Variants in CPNE3 observed in about 807,000 individuals in gnomAD.
The protein encoded by CPNE3 is copine-3.
CPNE3 carries 68 observed loss-of-function variants against 63.9 expected under a neutral mutation model. The observed-to-expected ratio is 1.06, with a 90% CI of 0.87 to 1.30. The LOEUF is 1.30. Ranked by LOEUF, CPNE3 falls within the 50% of genes most tolerant of loss-of-function variation. The probability of loss-of-function intolerance (pLI) is 0.00; values close to 1 mark genes in which losing one functional copy is unlikely to be tolerated. For synonymous variants in CPNE3, 219 were observed against 197.5 expected, an observed-to-expected ratio of 1.11 and a Z score of -0.91; for missense variants, 665 against 578.1, an observed-to-expected ratio of 1.15 and a Z score of -1.54.
At chr8:86,529,515 A>G (rs918023991) in intron 4 of CPNE3, among the ~76,000 whole-genome samples, 1 of 152,148 alleles carries the variant, frequency 6.6e-6, no homozygotes, top group Non-Finnish European at 1.5e-5. Flanking sequence ...CAATGCCCCA[A>G]TACCATCCCC....
intron 4 of CPNE3, among the ~76,000 whole-genome samples, chr8:86,529,549 A>G (rs1183269569): frequency 6.6e-6 from 1 of 152,072 alleles, no homozygotes; most frequent in Non-Finnish European, 1.5e-5. Flanking sequence ...CTCTTACTCA[A>G]CCTTATTCCC....
chr8:86,536,638 C>T (rs1479946087), intron 6 of CPNE3, among the ~76,000 whole-genome samples: 1 of 152,094 alleles, frequency 6.6e-6, no homozygotes. Context: ...CTAAAGAAAT[C>T]TTCAGCTCAG....
At chr8:86,545,756 C>G (rs993646702) in intron 9 of CPNE3, among the ~76,000 whole-genome samples, 2 of 152,062 alleles carry the variant, frequency 1.3e-5, no homozygotes, top group South Asian at 2.1e-4. Flanking sequence ...ACTTATCAAG[C>G]ATTTATTGAA....
chr8:86,546,135 T>C (rs990673623), intron 9 of CPNE3, among the ~76,000 whole-genome samples: 1 of 152,102 alleles, frequency 6.6e-6, no homozygotes, highest in African/African-American at 2.4e-5. Context: ...TACCATAGAG[T>C]TGGGCTTCAT....
At chr8:86,523,529 G>A (rs1482850407) in intron 2 of CPNE3, among the ~76,000 whole-genome samples, 4 of 152,220 alleles carry the variant, frequency 2.6e-5, no homozygotes, top group Non-Finnish European at 4.4e-5. Context: ...ATAACAGCAT[G>A]AGGGGTATCA....
intron 1 of CPNE3, chr8:86,515,232 C>A (rs1315507493): frequency 6.6e-6 from 1 of 152,226 alleles, no homozygotes; most frequent in Non-Finnish European, 1.5e-5. Flanking sequence ...CCGAGCAGAT[C>A]AACCATTTAT....
Position 86,546,356 on chromosome 8 carries a change from T to C in CPNE3, c.733-239T>C, listed in dbSNP as rs567697621. Among the ~76,000 whole-genome samples the C allele has an allele frequency of 1.3e-5, 2 of 152,214 alleles. 1 individual carries two copies. Among genetic ancestry groups the C allele is most frequent in the East Asian group, 3.9e-4 (2 of 5,170 alleles). ...AATTACCTGCAGAGGTAAAATTTATTTGGGAGAAATATTTTGAAAGGTATG... is the reference window on the plus strand; with the variant it reads ...AATTACCTGCAGAGGTAAAATTTATCTGGGAGAAATATTTTGAAAGGTATG... On this transcript the variant is annotated intron_variant, in intron 9 of 16. Transcript: ENST00000517490.
Position 86,540,286 on chromosome 8 carries a change from GA to G in CPNE3, c.586del (p.Ile196SerfsTer38). 6.2e-7 allele frequency: 1 copy of G among 1,609,544 alleles called. No individual in the cohort carries two copies. The highest frequency in any genetic ancestry group is 2.2e-5 in the East Asian group (1 of 44,564). ...NLNPVWRPFK[I>X]SLNSLCYGDM... ...TGAATCCTGTTTGGAGGCCTTTCAA[GA>G]TCTCTCTTAACTCACTGTGTTACGG... is the stretch of plus-strand genomic sequence containing the variant. On this transcript the variant is annotated frameshift_variant, in exon 8 of 17. Coordinates refer to ENST00000517490, the MANE Select transcript of CPNE3 (RefSeq NM_003909.5). LOFTEE classifies it high-confidence loss of function.
intron 6 of CPNE3, among the ~76,000 whole-genome samples, chr8:86,534,285 C>A (rs1474349821): frequency 6.6e-6 from 1 of 152,070 alleles, no homozygotes; most frequent in Non-Finnish European, 1.5e-5. Flanking sequence ...GCATGTAATT[C>A]CATCAGGAGG....
At chr8:86,516,439 A>T (rs897002291) in intron 2 of CPNE3, among the ~76,000 whole-genome samples, 8 of 151,972 alleles carry the variant, frequency 5.3e-5, no homozygotes, top group Non-Finnish European at 8.8e-5. Flanking sequence ...AAAATATTTT[A>T]TTTTCTATGC....
At chr8:86,519,598 G>T (rs1437883603) in intron 2 of CPNE3, among the ~76,000 whole-genome samples, 1 of 152,208 alleles carries the variant, frequency 6.6e-6, no homozygotes, top group East Asian at 1.9e-4. Context: ...CTACTTAATA[G>T]ACTGGGCCCT....
intron 12 of CPNE3, among the ~76,000 whole-genome samples, chr8:86,548,937 T>G (rs1014294937): frequency 6.6e-6 from 1 of 152,202 alleles, no homozygotes; most frequent in Non-Finnish European, 1.5e-5. Flanking sequence ...AATTATTTTT[T>G]TAACGGTGAC....
intron 15 of CPNE3, 56 bp from the exon 16 acceptor site, chr8:86,556,046 G>T: frequency 2.4e-6 from 2 of 833,168 alleles, no homozygotes. Context: ...TCAAGCCAGA[G>T]ATGCCATTAG....
rs536345488 is a variant in CPNE3, at chr8:86,521,700, G to A, written c.-11+6201G>A. The A allele has an allele frequency of 2.6e-5, 4 of 152,212 alleles. No homozygotes were observed. The East Asian group carries it at 7.7e-4, about 29-fold the overall frequency. The allele number at this position is 152,212 out of a possible 1,614,324, so 9.4% of individuals were successfully genotyped here. On this transcript the variant is annotated intron_variant, in intron 2 of 16. Coordinates refer to ENST00000517490, the MANE Select transcript of CPNE3 (RefSeq NM_003909.5). Reference sequence around the variant, plus strand: ...TATGCTGTGGTGGTGACACTTACTAGCTTTGTGATCCCATGTAAGTAATTT... The same window carrying A: ...TATGCTGTGGTGGTGACACTTACTAACTTTGTGATCCCATGTAAGTAATTT...
Position 86,551,213 on chromosome 8 carries a change from C to A in CPNE3, c.1099C>A (p.Pro367Thr), listed in dbSNP as rs1357544238. ...VSHEFPMNFNPSNPYCNGIQG... is the reference protein window; with the variant it reads ...VSHEFPMNFNTSNPYCNGIQG... The stretch of plus-strand genomic sequence containing the variant: ...ACATGAATTTCCAATGAACTTCAAC[C>A]CATCCAATCCCTACTGCAATGGTAA... The change falls in exon 14 of 17, where the codon CCA becomes ACA. Residue 367 changes from proline to threonine, a missense_variant. By Grantham distance (38) the Pro-to-Thr change is conservative. Coordinates refer to ENST00000517490, the MANE Select transcript of CPNE3 (RefSeq NM_003909.5). 1.2e-6 allele frequency: 2 copies of A among 1,603,764 alleles called. No individual in the cohort carries two copies. The highest frequency in any genetic ancestry group is 1.3e-5 in the African/African-American group (1 of 74,656).
At position 86,537,612 on chromosome 8, in the gene CPNE3, C is replaced by T; in HGVS notation, c.509C>T (p.Ser170Phe). 6.2e-7 allele frequency: 1 copy of T among 1,609,426 alleles called. No homozygotes were observed. The highest frequency in any genetic ancestry group is 8.5e-7 in the Non-Finnish European group (1 of 1,175,820). The change falls in exon 7 of 17, where the codon TCT (serine) becomes TTT (phenylalanine). Residue 170 changes from serine (S) to phenylalanine (F), a missense_variant. Transcript: ENST00000517490. ...DPYLEFHKQT[S>F]DGNWLMVHRT... ...TACCTGGAATTCCACAAGCAGACAT[C>T]TGATGGAAACTGGCTAATGGTTCAT...
At chr8:86,552,954 C>T (rs1388996731) in intron 14 of CPNE3, among the ~76,000 whole-genome samples, 1 of 21,382 alleles carries the variant, frequency 4.7e-5, no homozygotes, top group Non-Finnish European at 1.9e-4. Flanking sequence ...ATTCTCCTGC[C>T]ACAGCCCGCC....
At chr8:86,530,196 G>T (rs529800348) in intron 4 of CPNE3, among the ~76,000 whole-genome samples, 2 of 146,228 alleles carry the variant, frequency 1.4e-5, no homozygotes, top group East Asian at 2.0e-4. Context: ...TTGAGACAGG[G>T]TCTCACTAAG....
intron 8 of CPNE3, among the ~76,000 whole-genome samples, chr8:86,541,256 T>C (rs1820931088): frequency 1.3e-5 from 2 of 152,228 alleles, no homozygotes; most frequent in African/African-American, 2.4e-5. Flanking sequence ...CATTTACTTA[T>C]TTATTTATTT....
Sources: gnomAD v4.1 joint callset for allele counts (sites outside exome capture counted in the v4.1 genomes callset) on GRCh38, gnomAD v4.1.1 for gene constraint, MANE v1.5 for transcripts, NCBI Gene and HGNC (gene_info 2026-07-23, HGNC 2026-07-21) for gene names.